Variants in PXDN observed in about 807,000 individuals in gnomAD.
The protein encoded by PXDN is peroxidasin homolog.
In PXDN, 77 loss-of-function variants were observed where a neutral mutation model predicts 140.3. That is an observed-to-expected ratio of 0.55 (90% CI 0.46 to 0.66). The LOEUF (loss-of-function observed/expected upper bound fraction) is 0.66. Among genes scored for constraint, PXDN ranks in the 30% least tolerant of loss-of-function variants. PXDN has a pLI of 0.00. For missense variants in PXDN, 1,838 were observed against 2,039.5 expected (o/e 0.90, Z 1.90); for synonymous variants, 911 against 857.4 (o/e 1.06, Z -1.09).
rs899884529 is a variant in PXDN, at chr2:1,649,755, C to T, written c.2105-80G>A. 1.2e-5 allele frequency: 18 copies of T among 1,489,914 alleles called. No homozygotes were observed. Among genetic ancestry groups the T allele is most frequent in the East Asian group, 9.1e-5 (4 of 43,854 alleles). 92.3% of individuals were successfully genotyped at this position (1,489,914 alleles called of 1,614,324 possible). On this transcript the variant is annotated intron_variant, in intron 16 of 22. Transcript: ENST00000252804. This position sits in a 1 kb window ranked among gnomAD's most constrained non-coding sequence, Gnocchi z 7.1. ...GCCCGGTACCCCTTGGCACCTCTGCCGCTGACATGGGGCTATCTACCCCCA... is the reference window on the plus strand; with the variant it reads ...GCCCGGTACCCCTTGGCACCTCTGCTGCTGACATGGGGCTATCTACCCCCA...
chr2:1,669,574 C>T (rs1683528014), intron 9 of PXDN: 1 of 152,170 alleles, frequency 6.6e-6, no homozygotes. Context: ...GACGTGGTGG[C>T]TCATGCCTGT....
At chr2:1,684,220 AT>A (rs1478065644) in intron 4 of PXDN, 69 bp from the exon 5 acceptor site, 8 of 1,359,288 alleles carry the variant, frequency 5.9e-6, no homozygotes, top group African/African-American at 1.5e-5. Flanking sequence ...TTTTGCCCAA[AT>A]TTTTTTCCTA....
chr2:1,675,705 T>C (rs1023092571), intron 8 of PXDN, among the ~76,000 whole-genome samples: 1 of 152,212 alleles, frequency 6.6e-6, no homozygotes, highest in East Asian at 1.9e-4. Flanking sequence ...ATCTCTTCTA[T>C]AAACACCACC....
chr2:1,688,878 T>C (rs1398673591), intron 3 of PXDN, among the ~76,000 whole-genome samples: 2 of 151,088 alleles, frequency 1.3e-5, no homozygotes, highest in Non-Finnish European at 3.0e-5. Flanking sequence ...GAGTGTTTGA[T>C]TGTAACTTAA....
In PXDN at chr2:1,712,878, C is replaced by A. The variant is rs557071307; in HGVS notation, c.201-19744G>T. On this transcript the variant is annotated intron_variant, in intron 1 of 22. Transcript: ENST00000252804. Reference sequence around the variant, plus strand: ...TAGCTGGGATTACAGGCATCCGCCACCAGGCCTGGCTGATTTTTTGTATTT... The same window carrying A: ...TAGCTGGGATTACAGGCATCCGCCAACAGGCCTGGCTGATTTTTTGTATTT... Among the ~76,000 whole-genome samples the A allele has an allele frequency of 2.8e-4, 43 of 152,264 alleles. 1 individual carries two copies. The South Asian group carries it at 8.9e-3, about 32-fold the overall frequency.
At chr2:1,744,127 G>T in intron 1 of PXDN, 129 bp downstream of exon 1, 1 of 1,015,160 alleles carries the variant, frequency 9.9e-7, no homozygotes, top group Non-Finnish European at 1.3e-6. Context: ...TGCGTCCCAA[G>T]TCCCCAGGCC....
intron 3 of PXDN, among the ~76,000 whole-genome samples, chr2:1,690,659 A>AG (rs1356705485): frequency 1.3e-5 from 2 of 151,134 alleles, no homozygotes; most frequent in Non-Finnish European, 2.9e-5. Flanking sequence ...AAAAAAAAAA[A>AG]AAAAAAAAAA....
chr2:1,671,283 C>T (rs1683568647), intron 9 of PXDN, among the ~76,000 whole-genome samples: 1 of 152,074 alleles, frequency 6.6e-6, no homozygotes, highest in South Asian at 2.1e-4. Context: ...TTATTTCCAA[C>T]TAAAGCAAGA....
At chr2:1,684,710 C>G (rs1213313767) in intron 4 of PXDN, among the ~76,000 whole-genome samples, 1 of 152,214 alleles carries the variant, frequency 6.6e-6, no homozygotes, top group Non-Finnish European at 1.5e-5. Flanking sequence ...GACCATCTTT[C>G]CTCGGGTGTC....
chr2:1,662,722 G>A (rs1287726204), intron 12 of PXDN, among the ~76,000 whole-genome samples: 1 of 152,210 alleles, frequency 6.6e-6, no homozygotes, highest in African/African-American at 2.4e-5. Context: ...CTAGGTCAGG[G>A]ACGCCAAGGG....
chr2:1,730,326 C>T (rs1252559837), intron 1 of PXDN, among the ~76,000 whole-genome samples: 1 of 152,170 alleles, frequency 6.6e-6, no homozygotes, highest in Non-Finnish European at 1.5e-5. Flanking sequence ...GGAGAAAAAG[C>T]TGCTGAGCCC....
chr2:1,640,440 G>A (rs1209384894), intron 19 of PXDN, among the ~76,000 whole-genome samples: 6 of 152,188 alleles, frequency 3.9e-5, no homozygotes, highest in African/African-American at 1.2e-4. Flanking sequence ...CTTGAAGGGC[G>A]GCCGGCTCCT....
intron 3 of PXDN, among the ~76,000 whole-genome samples, chr2:1,691,274 ATT>A (rs1474214943): frequency 6.6e-6 from 1 of 152,196 alleles, no homozygotes; most frequent in Admixed American, 6.5e-5. Flanking sequence ...CACCTTTCCA[ATT>A]TTATAGCAAG....
At chr2:1,707,985 A>G (rs1001277902) in intron 1 of PXDN, among the ~76,000 whole-genome samples, 1 of 152,266 alleles carries the variant, frequency 6.6e-6, no homozygotes, top group African/African-American at 2.4e-5. Context: ...GGCAATCCTC[A>G]GCGGAGCTCT....
intron 13 of PXDN, 36 bp downstream of exon 13, chr2:1,662,036 C>CT: frequency 6.5e-7 from 1 of 1,533,638 alleles, no homozygotes; most frequent in Non-Finnish European, 8.8e-7. Flanking sequence ...TACCTTGTAT[C>CT]TGGGTGGTGG....
chr2:1,717,011 T>C (rs1398415602), intron 1 of PXDN, among the ~76,000 whole-genome samples: 1 of 152,140 alleles, frequency 6.6e-6, no homozygotes, highest in African/African-American at 2.4e-5. Context: ...CAACAGCCCC[T>C]TGGTAAGCAC....
intron 1 of PXDN, among the ~76,000 whole-genome samples, chr2:1,712,166 T>C (rs1003067764): frequency 6.6e-6 from 1 of 152,190 alleles, no homozygotes; most frequent in Non-Finnish European, 1.5e-5. Context: ...CAGAAAGCTA[T>C]TTACAAAGAA....
At chr2:1,656,168 ACACACACACAGAAT>A (rs2125416963) in intron 14 of PXDN, among the ~76,000 whole-genome samples, 1 of 151,908 alleles carries the variant, frequency 6.6e-6, no homozygotes, top group South Asian at 2.1e-4. Flanking sequence ...CCAAAGAAAC[ACACACACACAGAAT>A]CACACACCTT....
At chr2:1,664,664 T>C (rs1420536245) in intron 11 of PXDN, 3 of 372,050 alleles carry the variant, frequency 8.1e-6, no homozygotes, top group Non-Finnish European at 1.5e-5. Flanking sequence ...AGAGACTATC[T>C]GAAACAAGGC....
Sources: allele counts gnomAD v4.1 joint callset (sites outside exome capture counted in the v4.1 genomes callset), GRCh38; gene constraint gnomAD v4.1.1; non-coding constraint Gnocchi (gnomAD v3.1); transcripts MANE v1.5; gene names NCBI Gene and HGNC (gene_info 2026-07-23, HGNC 2026-07-21).